BRD10: variants seen among roughly 807,000 people sequenced by gnomAD.
BRD10 encodes uncharacterized bromodomain-containing protein 10.
the BRD10 span, chr9:5,969,407 T>C: frequency 1.9e-6 from 3 of 1,582,260 alleles, no homozygotes; most frequent in African/African-American, 1.4e-5. Flanking sequence ...ACTAGCTTCT[T>C]CTGCTTCTTT....
the BRD10 span, chr9:6,008,020 G>C: frequency 1.7e-6 from 2 of 1,210,984 alleles, no homozygotes; most frequent in Admixed American, 8.9e-5. Flanking sequence ...GAGAGCCTAG[G>C]TGCCCTCCTC....
chr9:5,884,617 C>A, the BRD10 span, among the ~76,000 whole-genome samples: 1 of 152,204 alleles, frequency 6.6e-6, no homozygotes, highest in African/African-American at 2.4e-5. Context: ...GACACAAACA[C>A]AGCCCATCTT....
chr9:5,994,184 T>A, the BRD10 span, among the ~76,000 whole-genome samples: 12 of 152,304 alleles, frequency 7.9e-5, no homozygotes, highest in East Asian at 3.9e-4. Context: ...TGTTAAAAAA[T>A]TTTTTAAATA....
chr9:5,926,893 A>C, the BRD10 span, among the ~76,000 whole-genome samples: 8 of 152,306 alleles, frequency 5.3e-5, no homozygotes, highest in African/African-American at 1.9e-4. Flanking sequence ...AATGAGAATA[A>C]TAATAGTACT....
the BRD10 span, among the ~76,000 whole-genome samples, chr9:5,999,188 C>G: frequency 6.6e-6 from 1 of 152,038 alleles, no homozygotes; most frequent in Admixed American, 6.6e-5. Context: ...ATGTATTTAA[C>G]ATATTTTTTT....
chr9:5,949,052 T>C, the BRD10 span, among the ~76,000 whole-genome samples: 1 of 152,176 alleles, frequency 6.6e-6, no homozygotes, highest in African/African-American at 2.4e-5. Flanking sequence ...GAACTATATA[T>C]ATTTTTAAGG....
the BRD10 span, among the ~76,000 whole-genome samples, chr9:5,997,442 T>G: frequency 0.02 from 116 of 5,946 alleles, no homozygotes; most frequent in African/African-American, 0.028. Context: ...AAAAAATGGG[T>G]TTTTTTTTTG....
chr9:5,920,109 G>A, the BRD10 span: 1 of 1,613,812 alleles, frequency 6.2e-7, no homozygotes, highest in Non-Finnish European at 8.5e-7. Context: ...AATTTTGTAG[G>A]GCTTCTTAGA....
chr9:5,997,577 G>C, the BRD10 span, among the ~76,000 whole-genome samples: 13 of 151,998 alleles, frequency 8.6e-5, no homozygotes, highest in African/African-American at 2.4e-4. Context: ...AAGTACACCA[G>C]AGACATATGA....
chr9:5,880,605 A>C, the BRD10 span, among the ~76,000 whole-genome samples: 1 of 152,300 alleles, frequency 6.6e-6, no homozygotes, highest in Admixed American at 6.5e-5. Flanking sequence ...CCCCACACAG[A>C]CATGGTCAGG....
chr9:5,962,944 CCAATAT>C, the BRD10 span, among the ~76,000 whole-genome samples: 1 of 133,484 alleles, frequency 7.5e-6, no homozygotes, highest in Non-Finnish European at 1.6e-5. Flanking sequence ...AAACCCACAG[CCAATAT>C]CATACTGAAT....
At chr9:5,920,067 G>C in the BRD10 span, 1 of 1,613,942 alleles carries the variant, frequency 6.2e-7, no homozygotes, top group Non-Finnish European at 8.5e-7. Flanking sequence ...TGTACTGTGG[G>C]TATAGAACTT....
At chr9:5,928,121 C>G in the BRD10 span, among the ~76,000 whole-genome samples, 2 of 152,190 alleles carry the variant, frequency 1.3e-5, no homozygotes, top group African/African-American at 4.8e-5. Context: ...GTTGTTTAGA[C>G]CAAAAATAGT....
chr9:5,941,996 T>C, the BRD10 span, among the ~76,000 whole-genome samples: 3 of 152,108 alleles, frequency 2.0e-5, no homozygotes, highest in South Asian at 4.1e-4. Flanking sequence ...ACACTTATAA[T>C]TTATAAAAAG....
At chr9:5,974,847 C>T in the BRD10 span, among the ~76,000 whole-genome samples, 4 of 152,168 alleles carry the variant, frequency 2.6e-5, no homozygotes, top group African/African-American at 9.7e-5. Flanking sequence ...GGGTAGAATA[C>T]TCAGGAAGGT....
the BRD10 span, among the ~76,000 whole-genome samples, chr9:5,992,035 C>G: frequency 6.6e-6 from 1 of 152,206 alleles, no homozygotes; most frequent in Non-Finnish European, 1.5e-5. Context: ...TCACTTCATT[C>G]AAGTCTCTGT....
At chr9:5,946,817 A>AC in the BRD10 span, among the ~76,000 whole-genome samples, 944 of 152,254 alleles carry the variant, frequency 6.2e-3, 6 homozygotes, top group South Asian at 0.016. Context: ...GAAGACATAT[A>AC]CCCCTAGAAC....
chr9:5,944,321 GAAC>G, the BRD10 span, among the ~76,000 whole-genome samples: 1,257 of 151,456 alleles, frequency 8.3e-3, 14 homozygotes, highest in African/African-American at 0.029. Flanking sequence ...AGTCTCTCAA[GAAC>G]AATAAAAATA....
the BRD10 span, among the ~76,000 whole-genome samples, chr9:5,969,794 C>T: frequency 6.6e-6 from 1 of 152,200 alleles, no homozygotes; most frequent in African/African-American, 2.4e-5. Context: ...GATCCGCCTG[C>T]CTCGGCCTCC....
Sources: gnomAD v4.1 joint callset for allele counts (sites outside exome capture counted in the v4.1 genomes callset) on GRCh38, gnomAD v4.1.1 for gene constraint, MANE v1.5 for transcripts, NCBI Gene and HGNC (gene_info 2026-07-23, HGNC 2026-07-21) for gene names.